The following EPM2A variants were observed in gnomAD, a reference collection of about 807,000 sequenced individuals.
EPM2A encodes the protein EPM2A glucan phosphatase, laforin.
In EPM2A, 21 loss-of-function variants were observed where a neutral mutation model predicts 26.5. The ratio of observed to expected loss-of-function variants is 0.79; its 90% confidence interval spans 0.56 to 1.14. EPM2A has a LOEUF of 1.14. Among genes scored for constraint, EPM2A ranks in the 50% most tolerant of loss-of-function variants. The pLI is 0.00. For synonymous variants in EPM2A, 217 were observed against 177.6 expected, an observed-to-expected ratio of 1.22 and a Z score of -1.76; for missense variants, 458 against 440.8, an observed-to-expected ratio of 1.04 and a Z score of -0.35.
chr6:145,594,670 AG>A (rs983025916), intron 2 of EPM2A, among the ~76,000 whole-genome samples: 14 of 152,106 alleles, frequency 9.2e-5, no homozygotes, highest in Admixed American at 9.2e-4. Context: ...TTATTTTTAA[AG>A]AAATATTCCT....
intron 2 of EPM2A, among the ~76,000 whole-genome samples, chr6:145,612,924 G>A (rs568168745): frequency 7.2e-5 from 11 of 152,058 alleles, no homozygotes; most frequent in Non-Finnish European, 1.5e-4. Flanking sequence ...GATGGTAGCT[G>A]CTGAATGTTG....
At chr6:145,508,691 A>G (rs1780012878) in intron 2 of EPM2A, among the ~76,000 whole-genome samples, 1 of 149,626 alleles carries the variant, frequency 6.7e-6, no homozygotes, top group African/African-American at 2.6e-5. Context: ...AAAAATCCAG[A>G]GTGTTTTTTC....
intron 2 of EPM2A, among the ~76,000 whole-genome samples, chr6:145,505,208 C>T (rs4383831): frequency 0.45 from 66,246 of 148,512 alleles, 14,840 homozygotes; most frequent in South Asian, 0.58. Flanking sequence ...AACTAACCTG[C>T]ACAATGTGCA....
At chr6:145,723,096 AG>A in intron 1 of EPM2A, among the ~76,000 whole-genome samples, 1 of 152,334 alleles carries the variant, frequency 6.6e-6, no homozygotes, top group South Asian at 2.1e-4. Flanking sequence ...AAATTATAAT[AG>A]ATTATTTAAG....
chr6:145,589,698 C>T (rs1378061656), intron 2 of EPM2A, among the ~76,000 whole-genome samples: 3 of 151,824 alleles, frequency 2.0e-5, no homozygotes, highest in Non-Finnish European at 2.9e-5. Context: ...TGGAAGATGG[C>T]GAGGACCTCA....
chr6:145,631,871 TCACA>T (rs1554256529), intron 3 of EPM2A: 2,068 of 72,970 alleles, frequency 0.028, 22 homozygotes, highest in Admixed American at 0.047. Flanking sequence ...TCTCTCTCTC[TCACA>T]CACACACACA....
intron 1 of EPM2A, 53 bp downstream of exon 1, chr6:145,735,145 G>C: frequency 1.5e-6 from 2 of 1,372,416 alleles, no homozygotes; most frequent in Non-Finnish European, 2.0e-6. Flanking sequence ...CCGGTTGGGG[G>C]TGCGGGCCGG....
chr6:145,434,054 T>G (rs1778955319), intron 4 of EPM2A, among the ~76,000 whole-genome samples: 1 of 152,072 alleles, frequency 6.6e-6, no homozygotes, highest in South Asian at 2.1e-4. Flanking sequence ...CCTCTTTTTT[T>G]GTGACAGATA....
At chr6:145,539,872 T>C (rs1294308164) in intron 2 of EPM2A, among the ~76,000 whole-genome samples, 1 of 152,106 alleles carries the variant, frequency 6.6e-6, no homozygotes, top group Non-Finnish European at 1.5e-5. Flanking sequence ...CAATCCATGG[T>C]CCACACCTCC....
intron 4 of EPM2A, among the ~76,000 whole-genome samples, chr6:145,453,178 C>CT (rs1779218862): frequency 1.3e-5 from 2 of 152,174 alleles, no homozygotes; most frequent in African/African-American, 2.4e-5. Context: ...TATCCCAGTG[C>CT]TCACACATTA....
intron 1 of EPM2A, among the ~76,000 whole-genome samples, chr6:145,726,914 AT>A (rs1281241180): frequency 6.6e-6 from 1 of 152,158 alleles, no homozygotes; most frequent in Non-Finnish European, 1.5e-5. Flanking sequence ...TGGTTCCTTA[AT>A]TATCACAAGT....
At chr6:145,635,899 C>T (rs111859887) in intron 2 of EPM2A, 68 of 207,824 alleles carry the variant, frequency 3.3e-4, no homozygotes, top group Admixed American at 6.4e-4. Flanking sequence ...GCAGGCATTC[C>T]GGTTTAAAAG....
chr6:145,483,097 C>T (rs916972140), intron 4 of EPM2A, among the ~76,000 whole-genome samples: 2 of 151,896 alleles, frequency 1.3e-5, no homozygotes, highest in South Asian at 2.1e-4. Context: ...AGCAAATGGG[C>T]GAATGTAAGC....
chr6:145,671,745 A>C (rs1268717456), intron 2 of EPM2A, among the ~76,000 whole-genome samples: 1 of 152,198 alleles, frequency 6.6e-6, no homozygotes, highest in Non-Finnish European at 1.5e-5. Context: ...AATGTGCAAA[A>C]TTATTGTTCT....
At chr6:145,502,038 G>T (rs573183942) in intron 3 of EPM2A, among the ~76,000 whole-genome samples, 2 of 152,174 alleles carry the variant, frequency 1.3e-5, no homozygotes, top group South Asian at 2.1e-4. Flanking sequence ...TTAAACAAAA[G>T]AGTGAAAAGG....
At chr6:145,633,095 G>A (rs1384355919) in intron 3 of EPM2A, among the ~76,000 whole-genome samples, 1 of 152,196 alleles carries the variant, frequency 6.6e-6, no homozygotes, top group Non-Finnish European at 1.5e-5. Context: ...TCAGGCTTCT[G>A]CAGAGTCCCA....
intron 4 of EPM2A, among the ~76,000 whole-genome samples, chr6:145,469,676 C>A (rs561881379): frequency 6.6e-6 from 1 of 152,172 alleles, no homozygotes; most frequent in South Asian, 2.1e-4. Context: ...TATGTATATA[C>A]CCAAAAGAAA....
At chr6:145,730,833 T>C (rs916185005) in intron 1 of EPM2A, among the ~76,000 whole-genome samples, 1 of 152,194 alleles carries the variant, frequency 6.6e-6, no homozygotes, top group African/African-American at 2.4e-5. Flanking sequence ...GGAGGTCTTC[T>C]AGAAAAGCAA....
At chr6:145,584,429 C>T (rs986219422) in intron 2 of EPM2A, among the ~76,000 whole-genome samples, 1 of 152,278 alleles carries the variant, frequency 6.6e-6, no homozygotes, top group Middle Eastern at 3.4e-3. Context: ...TCAAGATTGC[C>T]CTGCTCTGTA....
Sources: allele counts gnomAD v4.1 joint callset (sites outside exome capture counted in the v4.1 genomes callset), GRCh38; gene constraint gnomAD v4.1.1; transcripts MANE v1.5; gene names NCBI Gene and HGNC (gene_info 2026-07-23, HGNC 2026-07-21).